GGT1: variants seen among roughly 807,000 people sequenced by gnomAD.
GGT1 encodes glutathione hydrolase 1 proenzyme.
Under a neutral mutation model 56.0 loss-of-function variants are expected in GGT1, and 21 were observed. The observed-to-expected ratio is 0.38, with a 90% CI of 0.27 to 0.54. GGT1 has a LOEUF of 0.54. GGT1 is among the 20% of genes least tolerant of loss of function. The pLI, the probability that GGT1 is intolerant of heterozygous loss-of-function variation, is 0.82. For synonymous variants in GGT1, 238 were observed against 342.6 expected, an observed-to-expected ratio of 0.69 and a Z score of 3.37; for missense variants, 466 against 787.0, an observed-to-expected ratio of 0.59 and a Z score of 4.88.
upstream of GGT1, among the ~76,000 whole-genome samples, chr22:24,593,980 AG>A (rs1378506171): frequency 6.6e-6 from 1 of 152,204 alleles, no homozygotes; most frequent in Non-Finnish European, 1.5e-5. Context: ...CGTTAAGCCC[AG>A]CTCTGGGCAA....
intron 2 of GGT1, 112 bp downstream of exon 2, chr22:24,608,135 G>A: frequency 2.7e-6 from 1 of 364,002 alleles, no homozygotes; most frequent in Admixed American, 3.7e-5. Flanking sequence ...CACGCTGTTT[G>A]GGTGAGAACC....
At chr22:24,592,228 A>T (rs916263215), upstream of GGT1, 4 of 454,786 alleles carry the variant, frequency 8.8e-6, no homozygotes, top group African/African-American at 2.0e-5. Flanking sequence ...TGGTGTGTGT[A>T]GGAGCAGAGC....
upstream of GGT1, among the ~76,000 whole-genome samples, chr22:24,602,604 T>C (rs1215049591): frequency 6.6e-6 from 1 of 152,130 alleles, no homozygotes; most frequent in Non-Finnish European, 1.5e-5. Flanking sequence ...TTCCGTTGCC[T>C]GGGGTCCTCG....
intron 11 of GGT1, among the ~76,000 whole-genome samples, chr22:24,626,482 G>A (rs1448205061): frequency 6.8e-6 from 1 of 148,020 alleles, no homozygotes; most frequent in Non-Finnish European, 1.5e-5. Flanking sequence ...GCCCTTGCCC[G>A]TGAACCCATG....
the GGT1 span, chr22:24,585,951 C>T: frequency 2.5e-6 from 4 of 1,609,542 alleles, no homozygotes; most frequent in African/African-American, 1.3e-5. Flanking sequence ...CAGGTGGAGG[C>T]AGGGGTGGTG....
upstream of GGT1, chr22:24,592,891 G>A: frequency 2.3e-6 from 3 of 1,281,102 alleles, no homozygotes; most frequent in Non-Finnish European, 3.0e-6. Flanking sequence ...CAGCTGCCGG[G>A]CGCGCTCCGG....
At chr22:24,589,601 G>T in the GGT1 span, 1 of 584,706 alleles carries the variant, frequency 1.7e-6, no homozygotes, top group South Asian at 2.6e-5. Flanking sequence ...GTCTGCCCAG[G>T]ACTCTGAGGG....
At chr22:24,589,739 C>T in the GGT1 span, 199 of 1,453,314 alleles carry the variant, frequency 1.4e-4, no homozygotes, top group Non-Finnish European at 1.3e-4. Context: ...AGGACCTAGC[C>T]TCCCAGTCCC....
chr22:24,620,969 C>T lies in GGT1; in HGVS notation c.632C>T (p.Pro211Leu), dbSNP rs764140666. 3.0e-5 allele frequency: 48 copies of T among 1,611,992 alleles called. No homozygotes were observed. The African/African-American group carries it at 3.5e-4, about 12-fold the overall frequency. The change falls in exon 9 of 16, where the codon CCG becomes CTG. Residue 211 changes from proline to leucine, a missense_variant. By Grantham distance (98) the Pro-to-Leu change is moderately conservative (BLOSUM62 -3). This residue lies in a region of GGT1 where 456 missense variants were observed against 716.7 expected (regional missense o/e 0.64). Coordinates refer to ENST00000400382, the MANE Select transcript of GGT1 (RefSeq NM_001288833.2). The surrounding 1 kb of genome is among the most constrained non-coding windows in gnomAD (Gnocchi z 5.6). ...VLREGERLTL[P>L]QLADTYETLA... ...CGGGAGGGGGAGAGACTGACCCTGC[C>T]GCAGCTGGCTGACACCTACGAGACG... is the stretch of plus-strand genomic sequence containing the variant.
chr22:24,600,308 G>C (rs533635639), upstream of GGT1, among the ~76,000 whole-genome samples: 53 of 152,338 alleles, frequency 3.5e-4, no homozygotes, highest in African/African-American at 1.2e-3. Context: ...CTGCTCTCTA[G>C]GTAGGAGACT....
At chr22:24,605,794 A>ATATGATGTGTATTATATATTATATAT (rs1371246913) in intron 1 of GGT1, among the ~76,000 whole-genome samples, 4 of 52,928 alleles carry the variant, frequency 7.6e-5, no homozygotes, top group Non-Finnish European at 1.1e-4. Flanking sequence ...ATATTATATA[A>ATATGATGTGTATTATATATTATATAT]TATATGATGT....
At chr22:24,592,583 A>G (rs2045603562), upstream of GGT1, 1 of 482,902 alleles carries the variant, frequency 2.1e-6, no homozygotes, top group Non-Finnish European at 3.8e-6. Flanking sequence ...AACCCCTCTC[A>G]AACCCCAAAG....
the GGT1 span, chr22:24,589,402 A>G: frequency 9.4e-7 from 1 of 1,065,066 alleles, no homozygotes; most frequent in East Asian, 1.0e-4. Context: ...ACCTGCGGAC[A>G]GACGGGGGCT....
At chr22:24,621,530 G>A (rs1376527955) in intron 9 of GGT1, among the ~76,000 whole-genome samples, 1 of 144,540 alleles carries the variant, frequency 6.9e-6, no homozygotes, top group Non-Finnish European at 1.5e-5. Flanking sequence ...TTGTGGGGCA[G>A]GGGCCTGGAG....
chr22:24,603,772 C>A (rs2045852679), intron 1 of GGT1, among the ~76,000 whole-genome samples: 2 of 150,586 alleles, frequency 1.3e-5, no homozygotes, highest in Non-Finnish European at 3.0e-5. Flanking sequence ...GGCGGGGGGT[C>A]AGCTCTGGAG....
upstream of GGT1, chr22:24,592,917 C>A: frequency 7.9e-7 from 1 of 1,271,864 alleles, no homozygotes; most frequent in Non-Finnish European, 9.9e-7. Flanking sequence ...GCTCGCGGAG[C>A]GTGGACTGGA....
chr22:24,594,391 A>ATGTGTG (rs61535476), upstream of GGT1, among the ~76,000 whole-genome samples: 1,881 of 142,266 alleles, frequency 0.013, 19 homozygotes, highest in African/African-American at 0.031. Context: ...ACCCGTGTGT[A>ATGTGTG]TGTGTGTGTG....
At chr22:24,614,290 A>C (rs2046895510) in intron 5 of GGT1, among the ~76,000 whole-genome samples, 1 of 142,210 alleles carries the variant, frequency 7.0e-6, no homozygotes, top group African/African-American at 2.6e-5. Context: ...CTGAGGCTGC[A>C]GTGATCTGAG....
chr22:24,588,878 C>T, the GGT1 span: 1 of 1,007,554 alleles, frequency 9.9e-7, no homozygotes, highest in Non-Finnish European at 1.2e-6. Flanking sequence ...GGCTCTCTCT[C>T]AGTCCTAACT....
Sources: gnomAD v4.1 joint callset for allele counts (sites outside exome capture counted in the v4.1 genomes callset) on GRCh38, gnomAD v4.1.1 for gene constraint, gnomAD v4.1.1 regional missense constraint, Gnocchi (gnomAD v3.1) non-coding constraint, MANE v1.5 for transcripts, NCBI Gene and HGNC (gene_info 2026-07-23, HGNC 2026-07-21) for gene names.